The following ACE variants were observed in gnomAD, a reference collection of about 807,000 sequenced individuals.
ACE encodes the protein angiotensin-converting enzyme.
ACE carries 122 observed loss-of-function variants against 162.3 expected under a neutral mutation model. The observed-to-expected ratio is 0.75, with a 90% CI of 0.65 to 0.87. The LOEUF (loss-of-function observed/expected upper bound fraction) is 0.87, where lower values mean the gene tolerates loss of function less well. ACE is among the 40% of genes least tolerant of loss of function. The pLI, the probability that ACE is intolerant of heterozygous loss-of-function variation, is 0.00. For synonymous variants in ACE, 796 were observed against 720.6 expected, an observed-to-expected ratio of 1.10 and a Z score of -1.68; for missense variants, 1,799 against 1,735.1, an observed-to-expected ratio of 1.04 and a Z score of -0.65.
At position 63,487,161 on chromosome 17, in the gene ACE, T is replaced by C. The variant is rs4333; in HGVS notation, c.2305+88T>C. The C allele has an allele frequency of 0.5, 579,952 of 1,151,564 alleles. 147,800 individuals carry two copies. Among genetic ancestry groups the C allele is most frequent in the East Asian group, 0.65 (27,755 of 42,676 alleles). The allele number at this position is 1,151,564 out of a possible 1,614,324, so 71.3% of individuals were successfully genotyped here. On this transcript the variant is annotated intron_variant, in intron 15 of 24. Transcript: ENST00000290866. Reference sequence around the variant, plus strand: ...TGCTGGGTGAGAGCACAGAGTTGGGTTCCCCTCGCTCTTGGGGTCAGCGTG... The same window carrying C: ...TGCTGGGTGAGAGCACAGAGTTGGGCTCCCCTCGCTCTTGGGGTCAGCGTG...
At position 63,477,995 on chromosome 17, in the gene ACE, A is replaced by G. The variant is rs1220739409; in HGVS notation, c.314A>G (p.Tyr105Cys). ...TGGGGCCAGAAGGCCAAGGAGCTGT[A>G]TGAACCGATCTGGCAGAACTTCACG... is the stretch of plus-strand genomic sequence containing the variant. The part of the protein sequence containing the change: ...EAWGQKAKEL[Y>C]EPIWQNFTDP... Residue 105 changes from tyrosine to cysteine, a missense_variant, in exon 2 of 25, where the codon TAT (tyrosine) becomes TGT (cysteine). Physicochemically the swap from Tyr to Cys is radical, Grantham distance 194 (BLOSUM62 -2). Coordinates refer to ENST00000290866, the MANE Select transcript of ACE (RefSeq NM_000789.4). 9.3e-6 allele frequency: 15 copies of G among 1,612,122 alleles called. No individual in the cohort carries two copies. The highest frequency in any genetic ancestry group is 1.3e-5 in the Non-Finnish European group (15 of 1,179,482).
At chr17:63,483,732 C>T (rs894048636) in intron 10 of ACE, 117 bp from the exon 11 acceptor site, 1 of 1,565,758 alleles carries the variant, frequency 6.4e-7, no homozygotes, top group African/African-American at 1.4e-5. Context: ...CTCCCTTCTC[C>T]CCCAAGATAG....
In ACE at chr17:63,496,888, G is replaced by A; in HGVS notation, c.3594G>A (p.Leu1198=). Residue 1198 remains leucine, a synonymous_variant, in exon 24 of 25, where the codon TTG becomes TTA. Coordinates refer to ENST00000290866, the MANE Select transcript of ACE (RefSeq NM_000789.4). ...GQPNMSASAM[L]SYFKPLLDWL... ...CCAACATGAGCGCCTCGGCCATGTT[G>A]AGCTACTTCAAGCCGCTGCTGGACT... 1 of 1,613,724 alleles carries A rather than the reference G, an allele frequency of 6.2e-7. No homozygotes were observed. Among genetic ancestry groups the A allele is most frequent in the East Asian group, 2.2e-5 (1 of 44,884 alleles).
chr17:63,486,854 A>G lies in ACE; in HGVS notation c.2218-132A>G. 2.0e-6 allele frequency: 3 copies of G among 1,470,372 alleles called. No homozygotes were observed. The South Asian group carries it at 3.4e-5, about 17-fold the overall frequency. 91.1% of individuals were successfully genotyped at this position (1,470,372 alleles called of 1,614,324 possible). On this transcript the variant is annotated intron_variant, in intron 14 of 24. Coordinates refer to ENST00000290866, the MANE Select transcript of ACE (RefSeq NM_000789.4). ...TCTGCCATGCGATGTGCACCTCAGA[A>G]CTGCTGAGAGGGCAGCGCTCCCCAG...
rs763670346 is a variant in ACE at position 63,488,695 on chromosome 17, T to G, written c.2353T>G (p.Trp785Gly). 4 of 1,613,586 alleles carry G rather than the reference T, an allele frequency of 2.5e-6. No individual in the cohort carries two copies. Among genetic ancestry groups the G allele is most frequent in the Non-Finnish European group, 8.5e-7 (1 of 1,179,938 alleles). The change falls in exon 16 of 25, where the codon TGG becomes GGG. Residue 785 changes from tryptophan to glycine, a missense_variant. Trp to Gly is a radical substitution (Grantham distance 184). Transcript: ENST00000290866. ...ATSRKYEDLLWAWEGWRDKAG... is the reference protein window; with the variant it reads ...ATSRKYEDLLGAWEGWRDKAG... ...GTCCCGGAAATATGAAGACCTGTTA[T>G]GGGCATGGGAGGGCTGGCGAGACAA...
chr17:63,497,634 C>A lies in ACE; in HGVS notation c.*268C>A. ...CTGCCCTCCCCATCTGAGTCTGTGT[C>A]CCTCACAGGGAAGCCAGGGACAGGG... On this transcript the variant is annotated 3_prime_UTR_variant, in exon 25 of 25. Transcript: ENST00000290866. The A allele has an allele frequency of 1.5e-6, 1 of 663,246 alleles. No individual in the cohort carries two copies. The allele number at this position is 663,246 out of a possible 1,614,324, so 41.1% of individuals were successfully genotyped here. A position where few individuals can be genotyped will look rare whatever the true frequency, so the allele number is the denominator to read the frequency against.
chr17:63,487,198 C>A, intron 15 of ACE, 125 bp downstream of exon 15: 1 of 811,110 alleles, frequency 1.2e-6, no homozygotes, highest in Non-Finnish European at 2.1e-6. Flanking sequence ...CCAGGAAATG[C>A]CCTTTCTTGT....
chr17:63,488,765 T>C lies in ACE; in HGVS notation c.2423T>C (p.Leu808Pro). 1 of 1,613,912 alleles carries C rather than the reference T, an allele frequency of 6.2e-7. No individual in the cohort carries two copies. The highest frequency in any genetic ancestry group is 2.2e-5 in the East Asian group (1 of 44,798). ...CAGTTTTACCCGAAATACGTGGAAC[T>C]CATCAACCAGGCTGCCCGGCTCAAT... ...ILQFYPKYVELINQAARLNGY... is the reference protein window; with the variant it reads ...ILQFYPKYVEPINQAARLNGY... The change falls in exon 16 of 25, where the codon CTC becomes CCC. Residue 808 changes from leucine (L) to proline (P), a missense_variant. Physicochemically the swap from Leu to Pro is moderately conservative, Grantham distance 98. Transcript: ENST00000290866.
chr17:63,485,149 G>A (rs1284164176), intron 12 of ACE, 87 bp from the exon 13 acceptor site: 5 of 1,597,636 alleles, frequency 3.1e-6, no homozygotes, highest in Non-Finnish European at 3.4e-6. Context: ...ACAAGGGAGT[G>A]CGAGAGGGAT....
intron 24 of ACE, 40 bp from the exon 25 acceptor site, chr17:63,497,097 G>A (rs1445275488): frequency 1.3e-6 from 2 of 1,593,160 alleles, no homozygotes; most frequent in South Asian, 1.1e-5. Context: ...GCCCTGCCCT[G>A]CCCTGCCCTG....
In ACE at chr17:63,477,152, TTGCTGCTGCCG is replaced by T. The variant is rs752411292; in HGVS notation, c.59_69del (p.Leu20SerfsTer19). The stretch of plus-strand genomic sequence containing the variant: ...GCTGCTGCTGCCGCTGCCGCTGCTG[TTGCTGCTGCCG>T]CCGCAGCCCGCCCTGGCGTTGGACC... On this transcript the variant is annotated frameshift_variant, in exon 1 of 25. Coordinates refer to ENST00000290866, the MANE Select transcript of ACE (RefSeq NM_000789.4). LOFTEE classifies it high-confidence loss of function. The T allele has an allele frequency of 9.0e-6, 13 of 1,440,834 alleles. No individual in the cohort carries two copies. The Admixed American group carries it at 2.7e-4, about 30-fold the overall frequency. 89.3% of individuals were successfully genotyped at this position (1,440,834 alleles called of 1,614,324 possible). A position where few individuals can be genotyped will look rare whatever the true frequency, so the allele number is the denominator to read the frequency against.
In ACE at chr17:63,487,059, T is replaced by A. The variant is rs145819052; in HGVS notation, c.2291T>A (p.Leu764Gln). 1.2e-4 allele frequency: 199 copies of A among 1,613,358 alleles called. No homozygotes were observed. The highest frequency in any genetic ancestry group is 1.2e-4 in the Non-Finnish European group (144 of 1,179,964). The change falls in exon 15 of 25, where the codon CTG becomes CAG. Residue 764 changes from leucine to glutamine, a missense_variant. By Grantham distance (113) the Leu-to-Gln change is moderately radical. Coordinates refer to ENST00000290866, the MANE Select transcript of ACE (RefSeq NM_000789.4). ...GTGTGCCACCCGAATGGCAGCTGCC[T>A]GCAGCTCGAGCCAGGTGAGAGCTCA... Reference protein sequence around the residue: ...ATVCHPNGSCLQLEPDLTNVM... With the variant: ...ATVCHPNGSCQQLEPDLTNVM...
chr17:63,478,977 C>A (rs749045765), intron 2 of ACE, 30 bp from the exon 3 acceptor site: 1 of 1,588,926 alleles, frequency 6.3e-7, no homozygotes, highest in African/African-American at 1.3e-5. Flanking sequence ...GGGCTGGTCA[C>A]TGGAGCATTC....
intron 13 of ACE, chr17:63,486,158 A>C: frequency 9.2e-6 from 3 of 327,112 alleles, no homozygotes; most frequent in South Asian, 8.4e-5. Flanking sequence ...TGGCACTTTG[A>C]TCTGTTGCCT....
At chr17:63,490,400 AG>A (rs2030291067) in intron 17 of ACE, 2 of 174,918 alleles carry the variant, frequency 1.1e-5, no homozygotes, top group Non-Finnish European at 1.2e-5. Flanking sequence ...GGTGGTGCGG[AG>A]GGGACATGGC....
intron 17 of ACE, chr17:63,490,081 T>TCTGGCTCTCTCC (rs921977834): frequency 6.5e-6 from 1 of 152,678 alleles, no homozygotes; most frequent in Non-Finnish European, 1.5e-5. Flanking sequence ...TGTCTCTCTC[T>TCTGGCTCTCTCC]CTGGCTCTCT....
rs1345758652 is a variant in ACE, at chr17:63,477,279, T to C, written c.185T>C (p.Phe62Ser). Reference sequence around the variant, plus strand: ...AACTCCAGCGCCGAACAGGTGCTGTTCCAGAGCGTGGCCGCCAGCTGGGCG... The same window carrying C: ...AACTCCAGCGCCGAACAGGTGCTGTCCCAGAGCGTGGCCGCCAGCTGGGCG... Reference protein sequence around the residue: ...SYNSSAEQVLFQSVAASWAHD... With the variant: ...SYNSSAEQVLSQSVAASWAHD... Residue 62 changes from phenylalanine to serine, a missense_variant, in exon 1 of 25, where the codon TTC becomes TCC. Physicochemically the swap from Phe to Ser is radical, Grantham distance 155 (BLOSUM62 -2). Coordinates refer to ENST00000290866, the MANE Select transcript of ACE (RefSeq NM_000789.4). 11 of 1,457,076 alleles carry C rather than the reference T, an allele frequency of 7.5e-6. No homozygotes were observed. The highest frequency in any genetic ancestry group is 1.0e-5 in the Non-Finnish European group (11 of 1,100,286). The allele number at this position is 1,457,076 out of a possible 1,614,324, so 90.3% of individuals were successfully genotyped here.
chr17:63,477,209 T>G lies in ACE; in HGVS notation c.115T>G (p.Phe39Val). 1 of 1,490,120 alleles carries G rather than the reference T, an allele frequency of 6.7e-7. No homozygotes were observed. The highest frequency in any genetic ancestry group is 8.9e-7 in the Non-Finnish European group (1 of 1,123,862). 92.3% of individuals were successfully genotyped at this position (1,490,120 alleles called of 1,614,324 possible). A position where few individuals can be genotyped will look rare whatever the true frequency, so the allele number is the denominator to read the frequency against. The change falls in exon 1 of 25, where the codon TTT (phenylalanine) becomes GTT (valine). Residue 39 changes from phenylalanine (F) to valine (V), a missense_variant. By Grantham distance (50) the Phe-to-Val change is conservative (BLOSUM62 -1). Transcript: ENST00000290866. ...GGACCCCGGGCTGCAGCCCGGCAAC[T>G]TTTCTGCTGACGAGGCCGGGGCGCA... ...ALDPGLQPGN[F>V]SADEAGAQLF...
chr17:63,485,741 C>A, intron 13 of ACE: 1 of 311,578 alleles, frequency 3.2e-6, no homozygotes, highest in Non-Finnish European at 6.2e-6. Context: ...CACCACTGCA[C>A]TCCAGCCTGG....
Sources: gnomAD v4.1 joint callset for allele counts on GRCh38, gnomAD v4.1.1 for gene constraint, MANE v1.5 for transcripts, NCBI Gene and HGNC (gene_info 2026-07-23, HGNC 2026-07-21) for gene names.